RAD54L2: variants seen among roughly 807,000 people sequenced by gnomAD.
RAD54L2 encodes the protein RAD54 like 2, also known as helicase ARIP4.
A neutral mutation model predicts 138.4 loss-of-function variants in RAD54L2; 27 were observed. The observed-to-expected ratio is 0.20, with a 90% CI of 0.14 to 0.27. RAD54L2 has a LOEUF of 0.27. Among genes scored for constraint, RAD54L2 ranks in the 10% least tolerant of loss-of-function variants. The pLI is 1.00. For synonymous variants in RAD54L2, 644 were observed against 723.2 expected, an observed-to-expected ratio of 0.89 and a Z score of 1.76; for missense variants, 1,396 against 1,890.2, an observed-to-expected ratio of 0.74 and a Z score of 4.85.
At chr3:51,654,345 G>C (rs1380789260) in intron 19 of RAD54L2, among the ~76,000 whole-genome samples, 9 of 152,080 alleles carry the variant, frequency 5.9e-5, no homozygotes. Context: ...CATCATGCCC[G>C]GCCATTTGTT....
chr3:51,626,558 C>T (rs1577435797), intron 3 of RAD54L2, among the ~76,000 whole-genome samples: 1 of 145,198 alleles, frequency 6.9e-6, no homozygotes, highest in African/African-American at 2.6e-5. Context: ...GATGCTCCTG[C>T]CTTAGCCTCC....
chr3:51,623,580 T>C (rs906136183), intron 3 of RAD54L2, among the ~76,000 whole-genome samples: 1 of 152,182 alleles, frequency 6.6e-6, no homozygotes, highest in Non-Finnish European at 1.5e-5. Context: ...AATGCAAAGC[T>C]CATACTTTTA....
In RAD54L2 at chr3:51,600,016, C is replaced by T. The variant is rs1394976081; in HGVS notation, c.139+9457C>T. Among the ~76,000 whole-genome samples the T allele has an allele frequency of 3.9e-5, 6 of 152,048 alleles. No homozygotes were observed. In the East Asian group the frequency reaches 7.8e-4, roughly 20 times the overall value. ...TGATCTCGGATCACTGCAACCTCCA[C>T]CTCCTGGGTTCCAGTGATTATCCTG... is the stretch of plus-strand genomic sequence containing the variant. On this transcript the variant is annotated intron_variant, in intron 3 of 22. Transcript: ENST00000684192.
At chr3:51,560,806 G>T (rs764188060) in intron 2 of RAD54L2, among the ~76,000 whole-genome samples, 1 of 152,086 alleles carries the variant, frequency 6.6e-6, no homozygotes, top group Non-Finnish European at 1.5e-5. Context: ...ACTGAGCCAG[G>T]TATCTTTATT....
intron 2 of RAD54L2, among the ~76,000 whole-genome samples, chr3:51,558,019 T>C (rs1268881907): frequency 6.6e-6 from 1 of 151,748 alleles, no homozygotes; most frequent in African/African-American, 2.4e-5. Context: ...CTAATTTTTG[T>C]ATATTTTGTA....
rs1163437689 is a variant in RAD54L2, at chr3:51,593,575, G to A, written c.139+3016G>A. Among the ~76,000 whole-genome samples, 9 of 151,892 alleles carry A rather than the reference G, an allele frequency of 5.9e-5. No homozygotes were observed. In the East Asian group the frequency reaches 9.7e-4, roughly 16 times the overall value. ...TCTTGATCTCCTGACGTCGTGATCC[G>A]TCCGTCTCGGCCTCCCAAAGTGCTG... On this transcript the variant is annotated intron_variant, in intron 3 of 22. Coordinates refer to ENST00000684192, the MANE Select transcript of RAD54L2 (RefSeq NM_015106.4).
chr3:51,612,147 GA>G (rs976172632), intron 3 of RAD54L2, among the ~76,000 whole-genome samples: 2 of 152,162 alleles, frequency 1.3e-5, no homozygotes, highest in African/African-American at 4.8e-5. Context: ...TGAGTGATTG[GA>G]GAAAGTGGGG....
At chr3:51,568,361 AGT>A (rs1272481189) in intron 2 of RAD54L2, among the ~76,000 whole-genome samples, 1 of 152,142 alleles carries the variant, frequency 6.6e-6, no homozygotes, top group African/African-American at 2.4e-5. Flanking sequence ...TTTTGGCTGC[AGT>A]GCTGGGGAAA....
intron 2 of RAD54L2, among the ~76,000 whole-genome samples, chr3:51,569,958 G>C (rs1388386641): frequency 6.6e-6 from 1 of 151,454 alleles, no homozygotes; most frequent in Non-Finnish European, 1.5e-5. Context: ...TCACCTTCCT[G>C]AGTAGCTGGG....
intron 3 of RAD54L2, among the ~76,000 whole-genome samples, chr3:51,625,148 G>T (rs914864104): frequency 1.2e-4 from 19 of 152,344 alleles, no homozygotes; most frequent in African/African-American, 4.6e-4. Flanking sequence ...GCCGGGCACA[G>T]TGGCTCACTC....
chr3:51,647,360 G>A (rs1292997984), intron 19 of RAD54L2, among the ~76,000 whole-genome samples: 2 of 152,136 alleles, frequency 1.3e-5, no homozygotes, highest in Non-Finnish European at 2.9e-5. Flanking sequence ...GCATCACCAT[G>A]CCTGGCTAAT....
At chr3:51,616,218 T>C (rs1368281813) in intron 3 of RAD54L2, among the ~76,000 whole-genome samples, 1 of 152,202 alleles carries the variant, frequency 6.6e-6, no homozygotes, top group Non-Finnish European at 1.5e-5. Flanking sequence ...ACACTAGGTC[T>C]TATTTCTTCT....
chr3:51,582,958 G>A (rs1399313094), intron 2 of RAD54L2, among the ~76,000 whole-genome samples: 1 of 152,056 alleles, frequency 6.6e-6, no homozygotes, highest in African/African-American at 2.4e-5. Context: ...GTAGAGACGG[G>A]GTTTCACCTT....
intron 3 of RAD54L2, among the ~76,000 whole-genome samples, chr3:51,610,639 C>CAA (rs538225499): frequency 4.7e-4 from 28 of 59,044 alleles, no homozygotes; most frequent in South Asian, 5.0e-4. Context: ...GACTCCATCT[C>CAA]AAAAAAAAAA....
chr3:51,647,833 A>G (rs1297358030), intron 19 of RAD54L2, among the ~76,000 whole-genome samples: 2 of 152,058 alleles, frequency 1.3e-5, no homozygotes, highest in African/African-American at 2.4e-5. Flanking sequence ...TTCCTTACTA[A>G]GACTCTCATG....
intron 2 of RAD54L2, among the ~76,000 whole-genome samples, chr3:51,552,301 C>T (rs914342350): frequency 2.6e-5 from 4 of 151,920 alleles, no homozygotes; most frequent in Non-Finnish European, 5.9e-5. Flanking sequence ...CTTGCTCTGT[C>T]GCCCAGGCTA....
chr3:51,615,527 A>G (rs972998156), intron 3 of RAD54L2, among the ~76,000 whole-genome samples: 4 of 152,240 alleles, frequency 2.6e-5, no homozygotes, highest in Non-Finnish European at 5.9e-5. Flanking sequence ...TTTAAAATTA[A>G]TTATTGAATG....
chr3:51,634,594 T>C (rs532912556), intron 9 of RAD54L2, among the ~76,000 whole-genome samples: 1 of 152,212 alleles, frequency 6.6e-6, no homozygotes, highest in Non-Finnish European at 1.5e-5. Context: ...GGTCTCGAAC[T>C]CCTGACCTCA....
In RAD54L2 at chr3:51,630,813, A is replaced by G. The variant is rs778067181; in HGVS notation, c.707A>G (p.Asn236Ser). ...GAAGAGAAGGGTGGCACCCATGTCAATGATGTCTTAAACCAGCGTGACGCC... is the reference window on the plus strand; with the variant it reads ...GAAGAGAAGGGTGGCACCCATGTCAGTGATGTCTTAAACCAGCGTGACGCC... Reference protein sequence around the residue: ...EEEEKGGTHVNDVLNQRDALG... With the variant: ...EEEEKGGTHVSDVLNQRDALG... Residue 236 changes from asparagine (N) to serine (S), a missense_variant, in exon 7 of 23, where the codon AAT becomes AGT. Asn to Ser is a conservative substitution (Grantham distance 46). Transcript: ENST00000684192. 9 of 1,613,914 alleles carry G rather than the reference A, an allele frequency of 5.6e-6. No homozygotes were observed. The highest frequency in any genetic ancestry group is 7.6e-6 in the Non-Finnish European group (9 of 1,179,890).
Sources: gnomAD v4.1 joint callset for allele counts (sites outside exome capture counted in the v4.1 genomes callset) on GRCh38, gnomAD v4.1.1 for gene constraint, MANE v1.5 for transcripts, NCBI Gene and HGNC (gene_info 2026-07-23, HGNC 2026-07-21) for gene names.